F13A1: variants seen among roughly 807,000 people sequenced by gnomAD.
F13A1 encodes the protein FSF, A subunit.
In F13A1, 47 loss-of-function variants were observed where a neutral mutation model predicts 80.1. The ratio of observed to expected loss-of-function variants is 0.59; its 90% CI spans 0.46 to 0.75. The LOEUF is 0.75. Among genes scored for constraint, F13A1 ranks in the 30% least tolerant of loss-of-function variants. F13A1 has a pLI of 0.00. For missense variants in F13A1, 817 were observed against 930.4 expected (o/e 0.88, Z 1.59); for synonymous variants, 349 against 344.9 (o/e 1.01, Z -0.13).
chr6:6,292,594 A>G (rs1225633322), intron 3 of F13A1, among the ~76,000 whole-genome samples: 1 of 152,126 alleles, frequency 6.6e-6, no homozygotes. Flanking sequence ...CCCTGAAAAC[A>G]CCATCCAACA....
At position 6,296,522 on chromosome 6, in the gene F13A1, T is replaced by G. The variant is rs199758236; in HGVS notation, c.319+8829A>C. On this transcript the variant is annotated intron_variant, in intron 3 of 14. Transcript: ENST00000264870. The stretch of plus-strand genomic sequence containing the variant: ...TCTTTGAAGCAATTGTGAATGGGAA[T>G]TCACTCATGATTTGGCTCTCTGTTT... 6.6e-5 allele frequency among the ~76,000 whole-genome samples: 10 copies of G among 151,224 alleles called. No individual in the cohort carries two copies. The East Asian group carries it at 1.9e-3, about 29-fold the overall frequency.
At chr6:6,285,405 G>A (rs971761283) in intron 3 of F13A1, among the ~76,000 whole-genome samples, 2 of 152,206 alleles carry the variant, frequency 1.3e-5, no homozygotes, top group African/African-American at 4.8e-5. Context: ...AATTGGAAAG[G>A]AAATAGACAA....
chr6:6,153,866 A>G (rs2151069017), intron 13 of F13A1, among the ~76,000 whole-genome samples: 1 of 152,326 alleles, frequency 6.6e-6, no homozygotes, highest in South Asian at 2.1e-4. Context: ...ATCAGACTAT[A>G]ATAATAGTTA....
intron 10 of F13A1, among the ~76,000 whole-genome samples, chr6:6,184,622 C>T (rs576723371): frequency 6.6e-6 from 1 of 152,284 alleles, no homozygotes; most frequent in African/African-American, 2.4e-5. Context: ...GTACAAACAG[C>T]GACCCCCTCT....
chr6:6,290,931 A>G (rs530493198), intron 3 of F13A1, among the ~76,000 whole-genome samples: 9 of 152,242 alleles, frequency 5.9e-5, no homozygotes, highest in Non-Finnish European at 4.4e-5. Flanking sequence ...GGGGCAAGAC[A>G]TTTCTCAATA....
chr6:6,293,776 A>G (rs912318153), intron 3 of F13A1, among the ~76,000 whole-genome samples: 5 of 97,308 alleles, frequency 5.1e-5, no homozygotes, highest in Admixed American at 1.3e-4. Flanking sequence ...GGAGGGAGTG[A>G]GAGAGAGAGG....
intron 4 of F13A1, among the ~76,000 whole-genome samples, chr6:6,265,627 T>A (rs1280527717): frequency 6.6e-6 from 1 of 152,136 alleles, no homozygotes; most frequent in African/African-American, 2.4e-5. Flanking sequence ...AGACTGAAAA[T>A]AGCACTAGAG....
At chr6:6,206,783 G>A (rs536205356) in intron 8 of F13A1, among the ~76,000 whole-genome samples, 3 of 151,416 alleles carry the variant, frequency 2.0e-5, no homozygotes, top group African/African-American at 7.3e-5. Context: ...TAATGTATGG[G>A]AGAAATGGAG....
rs5984 is a variant in F13A1, at chr6:6,174,675, G to A, written c.1652C>T (p.Thr551Ile). Residue 551 changes from threonine to isoleucine, a missense_variant, in exon 12 of 15, where the codon ACA (threonine) becomes ATA (isoleucine). By Grantham distance (89) the Thr-to-Ile change is moderately conservative. Coordinates refer to ENST00000264870, the MANE Select transcript of F13A1 (RefSeq NM_000129.4). ...RNNSHNRYTI[T>I]AYLSANITFY... The stretch of plus-strand genomic sequence containing the variant: ...GGTGATGTTGGCTGAGAGATAAGCT[G>A]TGATGGTGTAACGGTTGTGGCTGTT... 386 of 1,614,184 alleles carry A rather than the reference G, an allele frequency of 2.4e-4. 1 individual carries two copies. The African/African-American group carries it at 4.7e-3, about 20-fold the overall frequency.
chr6:6,302,394 A>G (rs938838395), intron 3 of F13A1, among the ~76,000 whole-genome samples: 4 of 152,246 alleles, frequency 2.6e-5, no homozygotes, highest in African/African-American at 9.6e-5. Context: ...GGCAGAGCCT[A>G]CTGCTGTTAG....
At chr6:6,248,558 G>A in intron 5 of F13A1, 139 bp from the exon 6 acceptor site, 1 of 700,924 alleles carries the variant, frequency 1.4e-6, no homozygotes, top group Non-Finnish European at 2.5e-6. Flanking sequence ...ATAATCTTTA[G>A]TATGAAATAT....
intron 6 of F13A1, among the ~76,000 whole-genome samples, chr6:6,229,048 A>G (rs1398332269): frequency 6.6e-6 from 1 of 152,204 alleles, no homozygotes; most frequent in Admixed American, 6.5e-5. Context: ...AGTACTGAAG[A>G]GTAGATAGAA....
At chr6:6,224,956 C>T in intron 6 of F13A1, 96 bp from the exon 7 acceptor site, 1 of 1,279,090 alleles carries the variant, frequency 7.8e-7, no homozygotes, top group Non-Finnish European at 1.1e-6. Flanking sequence ...CCATTGCCTT[C>T]TATATGTTGT....
intron 3 of F13A1, among the ~76,000 whole-genome samples, chr6:6,299,023 G>A (rs1410805292): frequency 3.4e-5 from 5 of 147,602 alleles, no homozygotes; most frequent in Non-Finnish European, 7.4e-5. Flanking sequence ...AGTTTGGCTG[G>A]ATATGAAATT....
At chr6:6,313,936 T>C (rs902729864) in intron 2 of F13A1, among the ~76,000 whole-genome samples, 12 of 151,492 alleles carry the variant, frequency 7.9e-5, no homozygotes, top group Admixed American at 2.6e-4. Flanking sequence ...TAGCCTGGAG[T>C]ATCTCTACAG....
At chr6:6,225,914 A>G (rs9502425) in intron 6 of F13A1, among the ~76,000 whole-genome samples, 13,712 of 152,308 alleles carry the variant, frequency 0.09, 1,009 homozygotes, top group East Asian at 0.44. Context: ...TCCATAAAGA[A>G]CCTGGGATGT....
At chr6:6,220,194 A>G (rs988447643) in intron 8 of F13A1, among the ~76,000 whole-genome samples, 1 of 152,120 alleles carries the variant, frequency 6.6e-6, no homozygotes, top group Non-Finnish European at 1.5e-5. Context: ...TTGAAAACCT[A>G]CTACAAGCCA....
intron 3 of F13A1, among the ~76,000 whole-genome samples, chr6:6,292,066 GGTGTGA>G (rs1758231258): frequency 1.3e-5 from 2 of 152,160 alleles, no homozygotes; most frequent in Admixed American, 6.5e-5. Context: ...GCACTTTCCA[GGTGTGA>G]CCTGGGTAAA....
intron 14 of F13A1, among the ~76,000 whole-genome samples, chr6:6,147,447 C>A (rs777675053): frequency 6.6e-6 from 1 of 152,124 alleles, no homozygotes; most frequent in Non-Finnish European, 1.5e-5. Context: ...GAACTCTTTG[C>A]AAGATAATTT....
Sources: allele counts gnomAD v4.1 joint callset (sites outside exome capture counted in the v4.1 genomes callset), GRCh38; gene constraint gnomAD v4.1.1; transcripts MANE v1.5; gene names NCBI Gene and HGNC (gene_info 2026-07-23, HGNC 2026-07-21).